ANTXR1: variants seen among roughly 807,000 people sequenced by gnomAD.
ANTXR1 encodes anthrax toxin receptor 1.
ANTXR1 carries 19 observed loss-of-function variants against 78.1 expected under a neutral mutation model. The observed-to-expected ratio is 0.24, with a 90% confidence interval of 0.17 to 0.36. The LOEUF is 0.36. ANTXR1 is among the 10% of genes least tolerant of loss of function. ANTXR1 has a pLI of 1.00. For missense variants in ANTXR1, 518 were observed against 718.6 expected (o/e 0.72, Z 3.19); for synonymous variants, 273 against 260.5 (o/e 1.05, Z -0.46).
At chr2:69,187,770 T>C (rs1674456465) in intron 16 of ANTXR1, among the ~76,000 whole-genome samples, 1 of 151,406 alleles carries the variant, frequency 6.6e-6, no homozygotes, top group East Asian at 2.0e-4. Context: ...GTATTTTTTT[T>C]GGTACAGACT....
At chr2:69,051,243 A>T (rs113185259) in intron 3 of ANTXR1, among the ~76,000 whole-genome samples, 1 of 151,936 alleles carries the variant, frequency 6.6e-6, no homozygotes, top group African/African-American at 2.4e-5. Flanking sequence ...GCACCACTGC[A>T]CTGTAGCCTG....
rs527686639 is a variant in ANTXR1 at position 69,159,945 on chromosome 2, C to T, written c.1047+7681C>T. ...TAAAGCATTAAAATAATGTTCTTCG[C>T]ACCGTTAAGAATAACATTTAATTTG... On this transcript the variant is annotated intron_variant, in intron 13 of 17. Transcript: ENST00000303714. Among the ~76,000 whole-genome samples, 202 of 152,286 alleles carry T rather than the reference C, an allele frequency of 1.3e-3. 1 individual carries two copies. The highest frequency in any genetic ancestry group is 4.5e-3 in the African/African-American group (189 of 41,542).
At chr2:69,144,129 G>C (rs59829264) in intron 12 of ANTXR1, among the ~76,000 whole-genome samples, 20,488 of 152,218 alleles carry the variant, frequency 0.13, 1,480 homozygotes, top group Admixed American at 0.16. Flanking sequence ...GCTTGGGATG[G>C]TTCTAAATTC....
At chr2:69,120,784 T>A (rs1354888123) in intron 10 of ANTXR1, among the ~76,000 whole-genome samples, 1 of 152,222 alleles carries the variant, frequency 6.6e-6, no homozygotes, top group African/African-American at 2.4e-5. Flanking sequence ...CAACATTCCA[T>A]CATCTGCCAA....
chr2:69,037,761 C>G (rs938557495), intron 1 of ANTXR1, among the ~76,000 whole-genome samples: 4 of 152,146 alleles, frequency 2.6e-5, no homozygotes, highest in African/African-American at 9.7e-5. Context: ...TGAGCCACTG[C>G]GTCCACTGAC....
intron 12 of ANTXR1, among the ~76,000 whole-genome samples, chr2:69,136,131 T>A (rs528543438): frequency 6.6e-6 from 1 of 152,188 alleles, no homozygotes; most frequent in Non-Finnish European, 1.5e-5. Flanking sequence ...CTACCACAGA[T>A]ACATCTGAAA....
At chr2:69,124,769 C>A (rs1672475076) in intron 12 of ANTXR1, 126 bp downstream of exon 12, 3 of 956,430 alleles carry the variant, frequency 3.1e-6, no homozygotes, top group Admixed American at 1.9e-5. Context: ...GCTTGCTGAG[C>A]TTTGATCCCA....
At chr2:69,240,852 CAG>C (rs1675878216) in intron 17 of ANTXR1, among the ~76,000 whole-genome samples, 1 of 151,926 alleles carries the variant, frequency 6.6e-6, no homozygotes, top group African/African-American at 2.4e-5. Flanking sequence ...ACATAACTGA[CAG>C]AGTTTTGATG....
At chr2:69,145,916 T>A (rs191552769) in intron 12 of ANTXR1, 3 of 985,792 alleles carry the variant, frequency 3.0e-6, no homozygotes, top group East Asian at 2.3e-4. Context: ...AAGCAAGAGA[T>A]GCTTTCATTA....
At chr2:69,085,593 A>G (rs1671026825) in intron 8 of ANTXR1, among the ~76,000 whole-genome samples, 1 of 152,130 alleles carries the variant, frequency 6.6e-6, no homozygotes, top group Non-Finnish European at 1.5e-5. Context: ...TTTATCCAAT[A>G]TTTATTTAAT....
intron 12 of ANTXR1, among the ~76,000 whole-genome samples, chr2:69,135,716 A>G (rs572531383): frequency 6.6e-6 from 1 of 152,270 alleles, no homozygotes; most frequent in African/African-American, 2.4e-5. Flanking sequence ...TTAATGACAT[A>G]TCCTCAGCAT....
At chr2:69,215,612 C>T (rs1026106360) in intron 17 of ANTXR1, among the ~76,000 whole-genome samples, 4 of 152,226 alleles carry the variant, frequency 2.6e-5, no homozygotes, top group African/African-American at 4.8e-5. Flanking sequence ...AGTAAAGTAG[C>T]GTCCCCTCCT....
rs575479241 is a variant in ANTXR1 at position 69,061,753 on chromosome 2, A to T, written c.297-8894A>T. 3.9e-5 allele frequency among the ~76,000 whole-genome samples: 6 copies of T among 152,360 alleles called. No individual in the cohort carries two copies. The South Asian group carries it at 1.0e-3, about 26-fold the overall frequency. ...GAGATGTGGGATCAAAGAGGACTTTAAAAAATGTTTTTAAGATAAGAGATA... is the reference window on the plus strand; with the variant it reads ...GAGATGTGGGATCAAAGAGGACTTTTAAAAATGTTTTTAAGATAAGAGATA... On this transcript the variant is annotated intron_variant, in intron 3 of 17. Transcript: ENST00000303714.
chr2:69,106,222 A>G (rs1170993644), intron 10 of ANTXR1, among the ~76,000 whole-genome samples: 1 of 152,216 alleles, frequency 6.6e-6, no homozygotes, highest in Non-Finnish European at 1.5e-5. Context: ...AGGTTAATAC[A>G]TGCTTCTCTC....
chr2:69,054,161 T>C lies in ANTXR1; in HGVS notation c.296+9348T>C, dbSNP rs184722195. On this transcript the variant is annotated intron_variant, in intron 3 of 17. Transcript: ENST00000303714. ...AGTTTTGAGAATTACATTTATTATA[T>C]GTATTATCAAAGATGGGGATTATCG... 9.8e-3 allele frequency among the ~76,000 whole-genome samples: 1,307 copies of C among 133,432 alleles called. 17 individuals are homozygous for C. The highest frequency in any genetic ancestry group is 0.027 in the South Asian group (119 of 4,378). The allele number at this position is 133,432 out of a possible 152,430, so 87.5% of individuals were successfully genotyped here. A position where few individuals can be genotyped will look rare whatever the true frequency, so the allele number is the denominator to read the frequency against.
chr2:69,067,792 G>T (rs994347425), intron 3 of ANTXR1, among the ~76,000 whole-genome samples: 3 of 152,188 alleles, frequency 2.0e-5, no homozygotes, highest in Non-Finnish European at 4.4e-5. Context: ...CCCCCTGCCT[G>T]GGGATTGCTG....
intron 1 of ANTXR1, among the ~76,000 whole-genome samples, chr2:69,035,824 C>T (rs910149191): frequency 2.6e-5 from 4 of 152,142 alleles, no homozygotes; most frequent in Non-Finnish European, 2.9e-5. Context: ...CAGCTTTTGC[C>T]CATTAGCAAG....
chr2:69,019,335 T>C (rs747660117), intron 1 of ANTXR1, among the ~76,000 whole-genome samples: 2 of 152,254 alleles, frequency 1.3e-5, no homozygotes, highest in Non-Finnish European at 2.9e-5. Flanking sequence ...GTTATTGTAA[T>C]GGGAAATTTT....
chr2:69,148,831 G>T (rs1378370130), intron 12 of ANTXR1, among the ~76,000 whole-genome samples: 1 of 152,180 alleles, frequency 6.6e-6, no homozygotes, highest in Non-Finnish European at 1.5e-5. Context: ...CACTGCATGT[G>T]GTTAATTGTT....
Sources: gnomAD v4.1 joint callset for allele counts (sites outside exome capture counted in the v4.1 genomes callset) on GRCh38, gnomAD v4.1.1 for gene constraint, MANE v1.5 for transcripts, NCBI Gene and HGNC (gene_info 2026-07-23, HGNC 2026-07-21) for gene names.